The following NFIA variants were observed in gnomAD, a reference collection of about 807,000 sequenced individuals.
The protein encoded by NFIA is nuclear factor I A, also known as nuclear factor 1 A-type.
Under a neutral mutation model 62.8 loss-of-function variants are expected in NFIA, and 8 were observed. The ratio of observed to expected loss-of-function variants is 0.13; its 90% confidence interval spans 0.07 to 0.23. The LOEUF (loss-of-function observed/expected upper bound fraction) is 0.23, where lower values mean the gene tolerates loss of function less well. Among genes scored for constraint, NFIA ranks in the 10% least tolerant of loss-of-function variants. The probability of loss-of-function intolerance (pLI) is 1.00; values close to 1 mark genes in which losing one functional copy is unlikely to be tolerated. For missense variants in NFIA, 410 were observed against 642.1 expected, an observed-to-expected ratio of 0.64 and a Z score of 3.91; for synonymous variants, 235 against 238.1, an observed-to-expected ratio of 0.99 and a Z score of 0.12.
intron 2 of NFIA, among the ~76,000 whole-genome samples, chr1:61,259,173 G>T (rs980654528): frequency 1.3e-5 from 2 of 152,228 alleles, no homozygotes; most frequent in Admixed American, 6.5e-5. Context: ...GACACATTTT[G>T]CCCATCCCTG....
intron 7 of NFIA, among the ~76,000 whole-genome samples, chr1:61,397,374 T>C (rs1233034116): frequency 3.9e-5 from 6 of 152,216 alleles, no homozygotes; most frequent in Non-Finnish European, 8.8e-5. Context: ...ATGCTGATAG[T>C]ATATACTATT....
intron 2 of NFIA, among the ~76,000 whole-genome samples, chr1:61,222,441 A>G (rs1348473473): frequency 6.6e-6 from 1 of 152,090 alleles, no homozygotes; most frequent in African/African-American, 2.4e-5. Context: ...CATCTGTTAC[A>G]TGCAGATGTA....
In NFIA at chr1:61,459,182, C is replaced by CT. The variant is rs1253186818; in HGVS notation, c.*3863dup. ...GCATTTGAAGGCCCAGCCCTTGACT[C>CT]TGAGACACATTTGAATTTTTTCTTT... is the stretch of plus-strand genomic sequence containing the variant. On this transcript the variant is annotated 3_prime_UTR_variant, in exon 11 of 11. Transcript: ENST00000403491. 1.4e-4 allele frequency: 21 copies of CT among 152,360 alleles called. No homozygotes were observed. Among genetic ancestry groups the CT allele is most frequent in the African/African-American group, 4.3e-4 (18 of 41,572 alleles). 9.4% of individuals were successfully genotyped at this position (152,360 alleles called of 1,614,324 possible).
chr1:61,424,983 AG>A (rs1666802004), intron 9 of NFIA, among the ~76,000 whole-genome samples: 1 of 152,274 alleles, frequency 6.6e-6, no homozygotes, highest in Admixed American at 6.5e-5. Context: ...ATTGCTAGAC[AG>A]TATGACATAT....
chr1:61,223,324 G>A lies in NFIA; in HGVS notation c.560-54196G>A, dbSNP rs1654130299. Among the ~76,000 whole-genome samples the A allele has an allele frequency of 2.0e-5, 3 of 151,984 alleles. No homozygotes were observed. The South Asian group carries it at 6.2e-4, about 31-fold the overall frequency. ...TAGAGCAAATGTTTACCAGGAAAAT[G>A]TGTTGTAATCCAAGCATATTCTTGT... On this transcript the variant is annotated intron_variant, in intron 2 of 10. Transcript: ENST00000403491.
At chr1:61,428,295 A>G (rs1666954415) in intron 10 of NFIA, among the ~76,000 whole-genome samples, 1 of 152,120 alleles carries the variant, frequency 6.6e-6, no homozygotes, top group Admixed American at 6.6e-5. Context: ...AATGCTGACC[A>G]CAAAAATTCA....
At position 61,082,677 on chromosome 1, in the gene NFIA, T is replaced by A; in HGVS notation, c.-115T>A. ...TGATTTTTTTTTCTCCCCCCTTCTC[T>A]CTCTCTCTCTCTCTCTCTCTTCCTC... On this transcript the variant is annotated 5_prime_UTR_variant, in exon 1 of 11. Coordinates refer to ENST00000403491, the MANE Select transcript of NFIA (RefSeq NM_001134673.4). 1 of 1,466,426 alleles carries A rather than the reference T, an allele frequency of 6.8e-7. No individual in the cohort carries two copies. The allele number at this position is 1,466,426 out of a possible 1,614,324, so 90.8% of individuals were successfully genotyped here. A position where few individuals can be genotyped will look rare whatever the true frequency, so the allele number is the denominator to read the frequency against.
At chr1:61,137,511 G>A (rs1647220092) in intron 2 of NFIA, among the ~76,000 whole-genome samples, 1 of 152,054 alleles carries the variant, frequency 6.6e-6, no homozygotes. Flanking sequence ...CTCCCTTCTG[G>A]CTCTTTTCAT....
chr1:61,326,796 G>A (rs1205783863), intron 3 of NFIA, among the ~76,000 whole-genome samples: 1 of 152,144 alleles, frequency 6.6e-6, no homozygotes, highest in Non-Finnish European at 1.5e-5. Flanking sequence ...ACTTTAGGAG[G>A]TGGTTAAGCT....
At chr1:61,187,108 G>A (rs750875944) in intron 2 of NFIA, among the ~76,000 whole-genome samples, 1 of 152,092 alleles carries the variant, frequency 6.6e-6, no homozygotes, top group African/African-American at 2.4e-5. Context: ...TACCTTATAG[G>A]GTGATTATGA....
chr1:61,145,535 A>T (rs376822266), intron 2 of NFIA, among the ~76,000 whole-genome samples: 3 of 152,220 alleles, frequency 2.0e-5, no homozygotes, highest in Admixed American at 6.5e-5. Flanking sequence ...GGTGCTAAAG[A>T]TATAGCAGTG....
At chr1:61,301,802 C>T (rs985694022) in intron 3 of NFIA, among the ~76,000 whole-genome samples, 9 of 152,150 alleles carry the variant, frequency 5.9e-5, no homozygotes, top group Non-Finnish European at 1.0e-4. Flanking sequence ...TTCCTGAAAG[C>T]AGTTTCTCCT....
intron 4 of NFIA, among the ~76,000 whole-genome samples, chr1:61,346,479 C>A (rs919955627): frequency 1.8e-4 from 28 of 152,222 alleles, no homozygotes; most frequent in Non-Finnish European, 3.4e-4. Flanking sequence ...GTGTTACATA[C>A]ATCTTATTGA....
intron 2 of NFIA, among the ~76,000 whole-genome samples, chr1:61,264,234 C>T (rs993553212): frequency 5.9e-5 from 9 of 152,108 alleles, no homozygotes; most frequent in Admixed American, 5.9e-4. Context: ...TCCAATCGCC[C>T]TCTTGGACTT....
intron 2 of NFIA, among the ~76,000 whole-genome samples, chr1:61,141,383 C>G (rs1472590258): frequency 6.6e-6 from 1 of 150,694 alleles, no homozygotes; most frequent in Non-Finnish European, 1.5e-5. Context: ...AACCAGAAAC[C>G]GGGCATCATC....
chr1:61,154,659 C>G (rs966413007), intron 2 of NFIA, among the ~76,000 whole-genome samples: 1 of 152,120 alleles, frequency 6.6e-6, no homozygotes, highest in Non-Finnish European at 1.5e-5. Context: ...GCCATGTTGC[C>G]CAGACTGGTA....
Position 61,328,835 on chromosome 1 carries a change from G to A in NFIA, c.626-3677G>A, listed in dbSNP as rs1369747095. ...CCTCTTGGGTTCAAATGATTCTCCT[G>A]CCTCAGCTTCCTGAATAGCTGGGAT... On this transcript the variant is annotated intron_variant, in intron 3 of 10. Transcript: ENST00000403491. 2.7e-5 allele frequency among the ~76,000 whole-genome samples: 4 copies of A among 148,784 alleles called. No homozygotes were observed. The East Asian group carries it at 8.0e-4, about 30-fold the overall frequency.
intron 1 of NFIA, among the ~76,000 whole-genome samples, chr1:61,083,616 G>C (rs1646160976): frequency 6.6e-6 from 1 of 151,722 alleles, no homozygotes; most frequent in African/African-American, 2.4e-5. Flanking sequence ...CTCCCGGAGT[G>C]AAAGTTTCGG....
At chr1:61,365,577 A>G (rs1363016806) in intron 6 of NFIA, among the ~76,000 whole-genome samples, 2 of 152,210 alleles carry the variant, frequency 1.3e-5, no homozygotes, top group African/African-American at 4.8e-5. Flanking sequence ...TGCTGCATGA[A>G]AAGGAATGGC....
Sources: gnomAD v4.1 joint callset for allele counts (sites outside exome capture counted in the v4.1 genomes callset) on GRCh38, gnomAD v4.1.1 for gene constraint, MANE v1.5 for transcripts, NCBI Gene and HGNC (gene_info 2026-07-23, HGNC 2026-07-21) for gene names.